SND1: variants seen among roughly 807,000 people sequenced by gnomAD.
The protein encoded by SND1 is staphylococcal nuclease domain-containing protein 1.
In SND1, 38 loss-of-function variants were observed where a neutral mutation model predicts 121.7. That is an observed-to-expected ratio of 0.31 (90% confidence interval 0.24 to 0.41). The LOEUF (loss-of-function observed/expected upper bound fraction) is 0.41, where lower values mean the gene tolerates loss of function less well. SND1 is among the 10% of genes least tolerant of loss of function. SND1 has a pLI of 1.00. For missense variants in SND1, 868 were observed against 1,184.6 expected, an observed-to-expected ratio of 0.73 and a Z score of 3.92; for synonymous variants, 401 against 447.4, an observed-to-expected ratio of 0.90 and a Z score of 1.31.
chr7:127,717,010 T>C (rs1275122495), intron 9 of SND1, among the ~76,000 whole-genome samples: 1 of 152,186 alleles, frequency 6.6e-6, no homozygotes, highest in Non-Finnish European at 1.5e-5. Flanking sequence ...AGAAAGTGAT[T>C]GAGTTAGAAG....
At chr7:127,854,548 A>T (rs1262922033) in intron 12 of SND1, among the ~76,000 whole-genome samples, 1 of 134,896 alleles carries the variant, frequency 7.4e-6, no homozygotes, top group Admixed American at 7.1e-5. Flanking sequence ...CTATTTATTT[A>T]TTTATTTATT....
At chr7:127,928,497 C>G (rs961895482) in intron 14 of SND1, among the ~76,000 whole-genome samples, 13 of 147,674 alleles carry the variant, frequency 8.8e-5, no homozygotes, top group Non-Finnish European at 1.5e-4. Flanking sequence ...GTGAGATAGC[C>G]TAGGCGTCGC....
intron 11 of SND1, among the ~76,000 whole-genome samples, chr7:127,811,355 A>G (rs939131074): frequency 2.6e-5 from 4 of 152,210 alleles, no homozygotes; most frequent in Admixed American, 2.6e-4. Flanking sequence ...GGAGATGGAA[A>G]TGATCTCCAT....
chr7:127,880,322 G>A (rs182242786), intron 12 of SND1, among the ~76,000 whole-genome samples: 19 of 152,200 alleles, frequency 1.2e-4, no homozygotes, highest in Admixed American at 1.1e-3. Flanking sequence ...TTTATTATAG[G>A]TATGTATATA....
chr7:127,955,636 C>T (rs1004111274), intron 15 of SND1, among the ~76,000 whole-genome samples: 7 of 152,096 alleles, frequency 4.6e-5, no homozygotes, highest in Non-Finnish European at 7.4e-5. Flanking sequence ...CAACCTGCCC[C>T]CCAGTCCCCT....
intron 15 of SND1, among the ~76,000 whole-genome samples, chr7:127,973,539 G>C (rs1394343473): frequency 6.6e-6 from 1 of 152,176 alleles, no homozygotes. Context: ...GAGTGGGTTA[G>C]AACTGTCAAA....
At chr7:127,725,645 G>C (rs1796568675) in intron 10 of SND1, among the ~76,000 whole-genome samples, 1 of 152,174 alleles carries the variant, frequency 6.6e-6, no homozygotes, top group African/African-American at 2.4e-5. Context: ...GAAACACTAA[G>C]GACATTTCCT....
intron 9 of SND1, among the ~76,000 whole-genome samples, chr7:127,716,064 G>A (rs1796383790): frequency 6.6e-6 from 1 of 152,118 alleles, no homozygotes; most frequent in Non-Finnish European, 1.5e-5. Context: ...TGTTTCATTG[G>A]TTTGTATGTC....
At chr7:127,710,957 A>T (rs950943266) in intron 9 of SND1, among the ~76,000 whole-genome samples, 3 of 152,096 alleles carry the variant, frequency 2.0e-5, no homozygotes, top group African/African-American at 7.2e-5. Context: ...TTCCTGCAAA[A>T]TTTTTTTGTT....
At chr7:127,874,934 A>G (rs1799662674) in intron 12 of SND1, among the ~76,000 whole-genome samples, 1 of 152,320 alleles carries the variant, frequency 6.6e-6, no homozygotes, top group African/African-American at 2.4e-5. Context: ...CACACAGTAT[A>G]CTTATTTCTA....
chr7:128,050,517 T>G (rs1793027431), intron 16 of SND1, among the ~76,000 whole-genome samples: 1 of 152,224 alleles, frequency 6.6e-6, no homozygotes, highest in Non-Finnish European at 1.5e-5. Flanking sequence ...TCGACCTTAT[T>G]GCTGGTATAA....
intron 1 of SND1, among the ~76,000 whole-genome samples, chr7:127,670,614 C>CT (rs1440209986): frequency 2.0e-5 from 3 of 152,150 alleles, no homozygotes; most frequent in African/African-American, 7.2e-5. Flanking sequence ...TTTTGAGACA[C>CT]TAAGAGGTTT....
chr7:127,926,680 G>A (rs182267980), intron 14 of SND1, among the ~76,000 whole-genome samples: 11 of 149,522 alleles, frequency 7.4e-5, no homozygotes, highest in African/African-American at 2.2e-4. Flanking sequence ...AGCTTCCCAA[G>A]TAGCTGGGAC....
Position 128,029,137 on chromosome 7 carries a change from T to C in SND1, c.1779+38081T>C, listed in dbSNP as rs770981043. The stretch of plus-strand genomic sequence containing the variant: ...TCTGTCGCGGGTACTGCCACCTGCT[T>C]GGGCACACGGGTAGTCTGAATGAGC... On this transcript the variant is annotated intron_variant, in intron 16 of 23. Coordinates refer to ENST00000354725, the MANE Select transcript of SND1 (RefSeq NM_014390.4). The surrounding 1 kb of genome is among the most constrained non-coding windows in gnomAD (Gnocchi z 4.2). 2 of 1,614,084 alleles carry C rather than the reference T, an allele frequency of 1.2e-6. No individual in the cohort carries two copies. Among genetic ancestry groups the C allele is most frequent in the Non-Finnish European group, 1.7e-6 (2 of 1,180,014 alleles).
intron 11 of SND1, among the ~76,000 whole-genome samples, chr7:127,836,651 C>T (rs978123502): frequency 1.3e-5 from 2 of 152,036 alleles, no homozygotes; most frequent in Non-Finnish European, 2.9e-5. Context: ...GTTACATCTA[C>T]CAGTTATTTG....
rs1432491768 is a variant in SND1 at position 127,904,738 on chromosome 7, C to T, written c.1455-9C>T. ...TGTTTTAATCGGTTTTTCTCTTCTT[C>T]CTTAACAGAGCTATTAAGAATGGCA... On this transcript the variant is annotated splice_polypyrimidine_tract_variant and intron_variant, in intron 13 of 23. Coordinates refer to ENST00000354725, the MANE Select transcript of SND1 (RefSeq NM_014390.4). 2 of 1,593,546 alleles carry T rather than the reference C, an allele frequency of 1.3e-6. No individual in the cohort carries two copies. The highest frequency in any genetic ancestry group is 2.2e-5 in the East Asian group (1 of 44,706).
At chr7:128,030,206 G>C in intron 16 of SND1, 1 of 1,614,232 alleles carries the variant, frequency 6.2e-7, no homozygotes, top group Non-Finnish European at 8.5e-7. Context: ...GCTTGGACAG[G>C]TATTCAAAGG....
At chr7:127,956,805 A>G (rs140764886) in intron 15 of SND1, among the ~76,000 whole-genome samples, 1 of 152,270 alleles carries the variant, frequency 6.6e-6, no homozygotes, top group East Asian at 1.9e-4. Context: ...CCTTGACACT[A>G]TCTCTTGTTT....
At chr7:127,968,893 T>C (rs1289205482) in intron 15 of SND1, among the ~76,000 whole-genome samples, 1 of 152,194 alleles carries the variant, frequency 6.6e-6, no homozygotes, top group Non-Finnish European at 1.5e-5. Context: ...CTTGGCTTCC[T>C]TCTATTGTAA....
Sources: allele counts gnomAD v4.1 joint callset (sites outside exome capture counted in the v4.1 genomes callset), GRCh38; gene constraint gnomAD v4.1.1; non-coding constraint Gnocchi (gnomAD v3.1); transcripts MANE v1.5; gene names NCBI Gene and HGNC (gene_info 2026-07-23, HGNC 2026-07-21).